Variants in GLI3 observed in about 807,000 individuals in gnomAD.
GLI3 encodes transcription activator GLI3.
In GLI3, 20 loss-of-function variants were observed where a neutral mutation model predicts 100.8. The observed-to-expected ratio is 0.20, with a 90% CI of 0.14 to 0.29. The LOEUF (loss-of-function observed/expected upper bound fraction) is 0.29. Among genes scored for constraint, GLI3 ranks in the 10% least tolerant of loss-of-function variants. The probability of loss-of-function intolerance (pLI) is 1.00; values close to 1 mark genes in which losing one functional copy is unlikely to be tolerated. For synonymous variants in GLI3, 938 were observed against 860.5 expected (o/e 1.09, Z -1.58); for missense variants, 2,040 against 2,128.5 (o/e 0.96, Z 0.82).
intron 13 of GLI3, among the ~76,000 whole-genome samples, chr7:41,970,850 T>C (rs1423911931): frequency 6.6e-6 from 1 of 152,224 alleles, no homozygotes; most frequent in Admixed American, 6.5e-5. Context: ...CCGTTGAATG[T>C]TCTGTACAAT....
intron 10 of GLI3, among the ~76,000 whole-genome samples, chr7:42,020,669 T>C (rs545193919): frequency 1.3e-5 from 2 of 152,212 alleles, no homozygotes; most frequent in Non-Finnish European, 2.9e-5. Context: ...CTGTTAATGC[T>C]TCCCTCTGTA....
At chr7:42,198,189 G>C (rs1158823835) in intron 2 of GLI3, among the ~76,000 whole-genome samples, 1 of 152,234 alleles carries the variant, frequency 6.6e-6, no homozygotes, top group Non-Finnish European at 1.5e-5. Flanking sequence ...AAGGACACAG[G>C]ACAGGCTCAT....
At chr7:41,976,232 G>A (rs150184529) in intron 12 of GLI3, among the ~76,000 whole-genome samples, 1,970 of 152,194 alleles carry the variant, frequency 0.013, 19 homozygotes, top group Middle Eastern at 0.037. Flanking sequence ...TACTGTAAAA[G>A]CATTTTTACA....
intron 2 of GLI3, among the ~76,000 whole-genome samples, chr7:42,180,978 G>A (rs1046855924): frequency 6.6e-6 from 1 of 152,156 alleles, no homozygotes; most frequent in Non-Finnish European, 1.5e-5. Flanking sequence ...AGCTTTTTTT[G>A]TCAAAGGCTA....
chr7:42,252,354 G>A (rs965296863), intron 1 of GLI3, among the ~76,000 whole-genome samples: 4 of 152,108 alleles, frequency 2.6e-5, no homozygotes, highest in East Asian at 3.9e-4. Flanking sequence ...GGTGTTGGGC[G>A]GGAGGAGGAG....
chr7:42,237,878 G>GGGC (rs942953132), upstream of GLI3: 6 of 149,526 alleles, frequency 4.0e-5, no homozygotes, highest in African/African-American at 9.7e-5. Context: ...GCTGCGAGGC[G>GGGC]GGCGGCGGCG....
chr7:42,252,071 T>A (rs985767348), intron 1 of GLI3, among the ~76,000 whole-genome samples: 1 of 152,060 alleles, frequency 6.6e-6, no homozygotes, highest in Non-Finnish European at 1.5e-5. Flanking sequence ...CTATTCACAA[T>A]AGCAAAGATA....
rs1235859031 is a variant in GLI3 at position 42,115,162 on chromosome 7, G to A, written c.367+33064C>T. Among the ~76,000 whole-genome samples, 11 of 117,298 alleles carry A rather than the reference G, an allele frequency of 9.4e-5. No homozygotes were observed. In the East Asian group the frequency reaches 1.0e-3, roughly 11 times the overall value. The allele number at this position is 117,298 out of a possible 152,430, so 77.0% of individuals were successfully genotyped here. On this transcript the variant is annotated intron_variant, in intron 3 of 14. Transcript: ENST00000395925. ...TTTTTTTTTTTTTTTTTTTTGAGAC[G>A]GAGTCTCGCTCTGTCTCCCAGGTTG...
rs971069453 is a variant in GLI3, at chr7:42,026,417, A to C, written c.1029-5T>G. ...TAGGTGAAGCTCAAGGCAGGGCTGC[A>C]CGGGGGAGATAAAAAAAGACGATCA... On this transcript the variant is annotated splice_region_variant and splice_polypyrimidine_tract_variant and intron_variant, in intron 7 of 14. Coordinates refer to ENST00000395925, the MANE Select transcript of GLI3 (RefSeq NM_000168.6). 1 of 1,612,016 alleles carries C rather than the reference A, an allele frequency of 6.2e-7. No homozygotes were observed. Among genetic ancestry groups the C allele is most frequent in the Non-Finnish European group, 8.5e-7 (1 of 1,178,358 alleles).
At chr7:42,072,670 C>G (rs1164463121) in intron 4 of GLI3, among the ~76,000 whole-genome samples, 1 of 152,108 alleles carries the variant, frequency 6.6e-6, no homozygotes, top group African/African-American at 2.4e-5. Flanking sequence ...CCATAGAATA[C>G]AGTAGTGTCT....
intron 2 of GLI3, among the ~76,000 whole-genome samples, chr7:42,192,067 C>T (rs1186941324): frequency 2.0e-5 from 3 of 151,940 alleles, no homozygotes; most frequent in South Asian, 2.1e-4. Flanking sequence ...TGAACAGAGA[C>T]ATGTCATATT....
chr7:42,208,527 G>A (rs1343968193), intron 2 of GLI3, among the ~76,000 whole-genome samples: 4 of 152,142 alleles, frequency 2.6e-5, no homozygotes, highest in African/African-American at 9.7e-5. Flanking sequence ...CAATCTGAAA[G>A]AATAAATTAC....
At chr7:42,175,973 C>T (rs1203587641) in intron 2 of GLI3, among the ~76,000 whole-genome samples, 1 of 152,064 alleles carries the variant, frequency 6.6e-6, no homozygotes, top group Non-Finnish European at 1.5e-5. Flanking sequence ...CTGTTGGATC[C>T]CACAGCCCAC....
intron 13 of GLI3, among the ~76,000 whole-genome samples, chr7:41,970,520 C>A (rs1433962136): frequency 6.6e-6 from 1 of 151,962 alleles, no homozygotes; most frequent in African/African-American, 2.4e-5. Flanking sequence ...GTGGGTTTTG[C>A]CATTAAAAGT....
chr7:42,101,584 C>T (rs528381225), intron 3 of GLI3, among the ~76,000 whole-genome samples: 17 of 151,668 alleles, frequency 1.1e-4, no homozygotes, highest in East Asian at 5.8e-4. Context: ...CCAGCTTGGG[C>T]GACAAAGCAA....
At chr7:42,110,071 T>C (rs1785669314) in intron 3 of GLI3, among the ~76,000 whole-genome samples, 1 of 152,212 alleles carries the variant, frequency 6.6e-6, no homozygotes, top group South Asian at 2.1e-4. Flanking sequence ...TCATGACTGA[T>C]GCCTGAAGGC....
At chr7:41,974,233 C>T (rs1787442916) in intron 12 of GLI3, among the ~76,000 whole-genome samples, 1 of 152,176 alleles carries the variant, frequency 6.6e-6, no homozygotes, top group Non-Finnish European at 1.5e-5. Flanking sequence ...AATGTGTCGG[C>T]TCCTGCACTT....
upstream of GLI3, among the ~76,000 whole-genome samples, chr7:42,238,039 T>G (rs1055688219): frequency 1.6e-5 from 2 of 125,624 alleles, no homozygotes; most frequent in African/African-American, 3.4e-5. Context: ...CTCCTCCTCC[T>G]CCTCCTCCGC....
intron 3 of GLI3, among the ~76,000 whole-genome samples, chr7:42,129,416 G>A (rs1057393843): frequency 6.6e-6 from 1 of 152,312 alleles, no homozygotes. Flanking sequence ...TGCATAGTGG[G>A]TAAGACTGGA....
Sources: allele counts gnomAD v4.1 joint callset (sites outside exome capture counted in the v4.1 genomes callset), GRCh38; gene constraint gnomAD v4.1.1; transcripts MANE v1.5; gene names NCBI Gene and HGNC (gene_info 2026-07-23, HGNC 2026-07-21).